The following FRAS1 variants were observed in gnomAD, a reference collection of about 807,000 sequenced individuals.
FRAS1 encodes Fraser extracellular matrix complex subunit 1.
FRAS1 carries 290 observed loss-of-function variants against 435.2 expected under a neutral mutation model. That is an observed-to-expected ratio of 0.67 (90% CI 0.61 to 0.73). The LOEUF is 0.73. FRAS1 is among the 30% of genes least tolerant of loss of function. The pLI, the probability that FRAS1 is intolerant of heterozygous loss-of-function variation, is 0.00. For synonymous variants in FRAS1, 1,800 were observed against 1,851.0 expected, an observed-to-expected ratio of 0.97 and a Z score of 0.71; for missense variants, 4,860 against 5,001.5, an observed-to-expected ratio of 0.97 and a Z score of 0.85.
Position 78,505,224 on chromosome 4 carries a change from G to C in FRAS1, c.9317-2197G>C, listed in dbSNP as rs556255752. ...GTGTTTTGGGGTTGCTCTTCTTGAG[G>C]AGTACCTTTGTGATGTTCTCTGTAT... is the stretch of plus-strand genomic sequence containing the variant. On this transcript the variant is annotated intron_variant, in intron 61 of 73. Transcript: ENST00000512123. 4.3e-3 allele frequency among the ~76,000 whole-genome samples: 649 copies of C among 152,248 alleles called. 6 individuals are homozygous for C. The highest frequency in any genetic ancestry group is 0.015 in the African/African-American group (613 of 41,548).
At chr4:78,287,622 C>A (rs528401865) in intron 14 of FRAS1, among the ~76,000 whole-genome samples, 6 of 152,064 alleles carry the variant, frequency 3.9e-5, no homozygotes, top group African/African-American at 1.2e-4. Context: ...TCTTTCACAC[C>A]CTTGGTTAGA....
At position 78,066,758 on chromosome 4, in the gene FRAS1, C is replaced by T. The variant is rs974001124; in HGVS notation, c.108+742C>T. ...AACTGAGATGGTTGGAAAGAATTTG[C>T]TCATTTACATCACAACCTGCTATTG... On this transcript the variant is annotated intron_variant, in intron 2 of 73. Coordinates refer to ENST00000512123, the MANE Select transcript of FRAS1 (RefSeq NM_025074.7). Among the ~76,000 whole-genome samples the T allele has an allele frequency of 3.9e-5, 6 of 152,230 alleles. No individual in the cohort carries two copies. In the South Asian group the frequency reaches 1.2e-3, roughly 32 times the overall value.
At chr4:78,464,612 T>G (rs1210766413) in intron 49 of FRAS1, 29 bp downstream of exon 49, 1 of 1,610,412 alleles carries the variant, frequency 6.2e-7, no homozygotes, top group African/African-American at 1.3e-5. Flanking sequence ...ATGGGTTCTC[T>G]GGCTAAATGA....
intron 14 of FRAS1, among the ~76,000 whole-genome samples, chr4:78,303,589 T>A (rs572275063): frequency 4.5e-4 from 68 of 152,300 alleles, no homozygotes; most frequent in African/African-American, 1.5e-3. Context: ...TAAGTTGGAT[T>A]CCTAGGTATT....
At position 78,278,670 on chromosome 4, in the gene FRAS1, C is replaced by T; in HGVS notation, c.997C>T (p.His333Tyr). 1.9e-6 allele frequency: 3 copies of T among 1,593,726 alleles called. No individual in the cohort carries two copies. The highest frequency in any genetic ancestry group is 2.2e-5 in the South Asian group (2 of 90,406). ...ATTTCTACAGGATGAAGAATTAATT[C>T]ACTTAGATGGAAAGTGTTGTCCTGA... ...VECARDEELI[H>Y]LDGKCCPECI... Residue 333 changes from histidine to tyrosine, a missense_variant, in exon 10 of 74, where the codon CAC becomes TAC. Coordinates refer to ENST00000512123, the MANE Select transcript of FRAS1 (RefSeq NM_025074.7).
At chr4:78,492,539 A>G (rs923114801) in intron 59 of FRAS1, among the ~76,000 whole-genome samples, 2 of 152,346 alleles carry the variant, frequency 1.3e-5, no homozygotes, top group South Asian at 4.1e-4. Context: ...AAAATAAGCA[A>G]TGGGGAAAGG....
intron 2 of FRAS1, among the ~76,000 whole-genome samples, chr4:78,180,431 T>C (rs190915953): frequency 8.5e-4 from 130 of 152,346 alleles, no homozygotes; most frequent in African/African-American, 3.0e-3. Context: ...ATGCAAAGCA[T>C]GTATTAAAGC....
chr4:78,064,843 C>G (rs1401445301), intron 1 of FRAS1, among the ~76,000 whole-genome samples: 7 of 151,662 alleles, frequency 4.6e-5, no homozygotes, highest in Admixed American at 2.0e-4. Context: ...GTCCTTCTCT[C>G]TTTAGAAACC....
rs1431347735 is a variant in FRAS1, at chr4:78,301,850, T to TTG, written c.1535-6215_1535-6214insGT. On this transcript the variant is annotated intron_variant, in intron 14 of 73. Coordinates refer to ENST00000512123, the MANE Select transcript of FRAS1 (RefSeq NM_025074.7). ...TACTTCTGGCCCACAGAAACAGTTT[T>TTG]TTTTTTTTTTTTTTTTTTTATACTT... Among the ~76,000 whole-genome samples the TTG allele has an allele frequency of 2.3e-3, 342 of 148,194 alleles. 1 individual carries two copies. Among genetic ancestry groups the TTG allele is most frequent in the African/African-American group, 8.4e-3 (327 of 39,086 alleles).
Position 78,472,315 on chromosome 4 carries a change from G to T in FRAS1, c.7507G>T (p.Ala2503Ser). ...CAAGCTGCAGCCTGGCAGAGCTGCT[G>T]CCACTTTCACCCAGGGTGGGGACTC... ...ENKLQPGRAA[A>S]TFTQEDVNLG... is the part of the protein sequence containing the mutation. Residue 2503 changes from alanine to serine, a missense_variant, in exon 52 of 74, where the codon GCC (alanine) becomes TCC (serine). Transcript: ENST00000512123. 1 of 1,607,206 alleles carries T rather than the reference G, an allele frequency of 6.2e-7. No individual in the cohort carries two copies. Among genetic ancestry groups the T allele is most frequent in the Non-Finnish European group, 8.5e-7 (1 of 1,175,294 alleles).
intron 5 of FRAS1, among the ~76,000 whole-genome samples, chr4:78,254,258 CAA>C (rs1725687402): frequency 6.6e-6 from 1 of 152,200 alleles, no homozygotes; most frequent in Non-Finnish European, 1.5e-5. Context: ...GGCACTCTCA[CAA>C]CATGTAATAG....
Position 78,481,834 on chromosome 4 carries a change from GTACTGACCTCTC to G in FRAS1, c.8479_8490del (p.Asp2827_Thr2830del). On this transcript the variant is annotated inframe_deletion, in exon 57 of 74. Coordinates refer to ENST00000512123, the MANE Select transcript of FRAS1 (RefSeq NM_025074.7). ...GTAAAGATTCCAGTTATCCGCCATGGTACTGACCTCTCTACTTTCGCATCTGTCTGGTGTGCA... is the reference window on the plus strand; with the variant it reads ...GTAAAGATTCCAGTTATCCGCCATGGTACTTTCGCATCTGTCTGGTGTGCA... 1 of 1,613,842 alleles carries G rather than the reference GTACTGACCTCTC, an allele frequency of 6.2e-7. No homozygotes were observed. Among genetic ancestry groups the G allele is most frequent in the Non-Finnish European group, 8.5e-7 (1 of 1,179,820 alleles).
intron 59 of FRAS1, among the ~76,000 whole-genome samples, chr4:78,495,957 C>T (rs559340977): frequency 1.9e-4 from 29 of 152,194 alleles, no homozygotes; most frequent in African/African-American, 7.0e-4. Flanking sequence ...TATAAATATT[C>T]ACAGGGATAT....
chr4:78,057,560 G>A lies in FRAS1; in HGVS notation c.-450G>A, dbSNP rs1201434420. The A allele has an allele frequency of 6.2e-6, 1 of 161,666 alleles. No individual in the cohort carries two copies. The highest frequency in any genetic ancestry group is 2.4e-5 in the African/African-American group (1 of 41,822). 10.0% of individuals were successfully genotyped at this position (161,666 alleles called of 1,614,324 possible). A position where few individuals can be genotyped will look rare whatever the true frequency, so the allele number is the denominator to read the frequency against. ...GGTGCCGACGCAACGCCGACGTATGGTGCCAAGCGAACTTTAAAAAGCTGC... is the reference window on the plus strand; with the variant it reads ...GGTGCCGACGCAACGCCGACGTATGATGCCAAGCGAACTTTAAAAAGCTGC... On this transcript the variant is annotated 5_prime_UTR_variant, in exon 1 of 74. It adds an upstream start codon to the 5' untranslated region. Transcript: ENST00000512123. This position sits in a 1 kb window ranked among gnomAD's most constrained non-coding sequence, Gnocchi z 4.2.
chr4:78,320,033 A>G (rs1195986340), intron 18 of FRAS1, among the ~76,000 whole-genome samples: 1 of 152,232 alleles, frequency 6.6e-6, no homozygotes, highest in East Asian at 1.9e-4. Flanking sequence ...CCGGTAAATT[A>G]TAAAGCCCTC....
At chr4:78,522,170 TA>T (rs1244739714) in intron 68 of FRAS1, among the ~76,000 whole-genome samples, 1 of 152,184 alleles carries the variant, frequency 6.6e-6, no homozygotes, top group African/African-American at 2.4e-5. Context: ...ATCTTGCTGA[TA>T]ACATTTACCC....
At chr4:78,270,699 G>T (rs1280219254) in intron 9 of FRAS1, among the ~76,000 whole-genome samples, 1 of 151,920 alleles carries the variant, frequency 6.6e-6, no homozygotes, top group East Asian at 1.9e-4. Context: ...AGTCAGTCTT[G>T]TTTCAAAACA....
rs564854931 is a variant in FRAS1, at chr4:78,196,850, T to C, written c.109-40660T>C. On this transcript the variant is annotated intron_variant, in intron 2 of 73. Transcript: ENST00000512123. ...TGGGGCTTGAATGAGATTTTTTTCCTCTGTAGAGTTTTAATGAGAATCATG... is the reference window on the plus strand; with the variant it reads ...TGGGGCTTGAATGAGATTTTTTTCCCCTGTAGAGTTTTAATGAGAATCATG... Among the ~76,000 whole-genome samples the C allele has an allele frequency of 4.6e-5, 7 of 152,324 alleles. No homozygotes were observed. In the South Asian group the frequency reaches 1.4e-3, roughly 32 times the overall value.
At chr4:78,447,478 G>T (rs1718888415) in intron 43 of FRAS1, among the ~76,000 whole-genome samples, 1 of 151,716 alleles carries the variant, frequency 6.6e-6, no homozygotes, top group Non-Finnish European at 1.5e-5. Flanking sequence ...TGCAGTAGAT[G>T]AAGGGTTAAT....
Sources: gnomAD v4.1 joint callset for allele counts (sites outside exome capture counted in the v4.1 genomes callset) on GRCh38, gnomAD v4.1.1 for gene constraint, Gnocchi (gnomAD v3.1) non-coding constraint, MANE v1.5 for transcripts, NCBI Gene and HGNC (gene_info 2026-07-23, HGNC 2026-07-21) for gene names.